PTPRD: variants seen among roughly 807,000 people sequenced by gnomAD.
The protein encoded by PTPRD is receptor-type tyrosine-protein phosphatase delta.
A neutral mutation model predicts 214.5 loss-of-function variants in PTPRD; 34 were observed. The ratio of observed to expected loss-of-function variants is 0.16; its 90% confidence interval spans 0.12 to 0.21. The LOEUF (loss-of-function observed/expected upper bound fraction) is 0.21. PTPRD is among the 10% of genes least tolerant of loss of function. The pLI is 1.00. For missense variants in PTPRD, 2,545 were observed against 2,398.7 expected (o/e 1.06, Z -1.27); for synonymous variants, 1,128 against 845.7 (o/e 1.33, Z -5.79).
intron 3 of PTPRD, among the ~76,000 whole-genome samples, chr9:10,232,409 C>T (rs778074088): frequency 9.9e-5 from 15 of 151,928 alleles, no homozygotes; most frequent in Non-Finnish European, 1.9e-4. Context: ...TTTCCCACTT[C>T]CCTTTGAGTT....
At chr9:9,389,156 A>C (rs1289133552) in intron 9 of PTPRD, among the ~76,000 whole-genome samples, 1 of 152,142 alleles carries the variant, frequency 6.6e-6, no homozygotes, top group Non-Finnish European at 1.5e-5. Flanking sequence ...AAACATGTAA[A>C]ATAGGGGTAA....
chr9:9,935,224 G>T (rs898217126), intron 5 of PTPRD, among the ~76,000 whole-genome samples: 10 of 151,918 alleles, frequency 6.6e-5, no homozygotes, highest in Non-Finnish European at 8.8e-5. Flanking sequence ...GTTCTGGCCA[G>T]GGCAATCAGG....
At chr9:8,373,906 CTATCTAT>C (rs879936928) in intron 39 of PTPRD, among the ~76,000 whole-genome samples, 1,193 of 93,430 alleles carry the variant, frequency 0.013, 8 homozygotes, top group African/African-American at 0.02. Context: ...ATCTATCTAT[CTATCTAT>C]CTACCTACCT....
intron 9 of PTPRD, among the ~76,000 whole-genome samples, chr9:9,388,556 T>C (rs975934842): frequency 3.9e-5 from 6 of 152,128 alleles, no homozygotes; most frequent in Non-Finnish European, 7.3e-5. Flanking sequence ...AGTCAGGTAC[T>C]GAAGAGAAAG....
intron 12 of PTPRD, among the ~76,000 whole-genome samples, chr9:8,721,917 G>A (rs1024091691): frequency 1.3e-5 from 2 of 152,168 alleles, no homozygotes; most frequent in African/African-American, 4.8e-5. Flanking sequence ...CCAACCTTCT[G>A]TTCCAAAGCT....
intron 2 of PTPRD, among the ~76,000 whole-genome samples, chr9:10,395,550 A>C (rs2098152176): frequency 6.6e-6 from 1 of 151,920 alleles, no homozygotes; most frequent in Non-Finnish European, 1.5e-5. Flanking sequence ...TAGGCAAAGC[A>C]ATGAGAAATA....
At chr9:9,922,541 C>A (rs1048684828) in intron 5 of PTPRD, among the ~76,000 whole-genome samples, 14 of 151,662 alleles carry the variant, frequency 9.2e-5, no homozygotes, top group African/African-American at 3.1e-4. Flanking sequence ...CCTACAGTAA[C>A]AACTAAAAAG....
At chr9:9,891,558 T>C (rs1398258503) in intron 5 of PTPRD, among the ~76,000 whole-genome samples, 1 of 152,122 alleles carries the variant, frequency 6.6e-6, no homozygotes, top group African/African-American at 2.4e-5. Flanking sequence ...TTTTTGACAG[T>C]ACTTTCAGAT....
chr9:9,604,946 G>GTGA (rs2094046993), intron 7 of PTPRD, among the ~76,000 whole-genome samples: 1 of 151,858 alleles, frequency 6.6e-6, no homozygotes, highest in African/African-American at 2.4e-5. Context: ...ACAGGAGGTG[G>GTGA]TCCCTGATAT....
chr9:8,586,302 A>G (rs1183880506), intron 14 of PTPRD, among the ~76,000 whole-genome samples: 1 of 152,184 alleles, frequency 6.6e-6, no homozygotes, highest in Non-Finnish European at 1.5e-5. Context: ...CTGTCTCAAA[A>G]AATAATAATA....
chr9:10,222,974 A>C (rs2099576294), intron 3 of PTPRD, among the ~76,000 whole-genome samples: 1 of 152,064 alleles, frequency 6.6e-6, no homozygotes, highest in South Asian at 2.1e-4. Flanking sequence ...GAGGTTCTAT[A>C]CCAAGCCAGA....
At chr9:9,331,663 C>T (rs2042357972) in intron 9 of PTPRD, among the ~76,000 whole-genome samples, 1 of 152,018 alleles carries the variant, frequency 6.6e-6, no homozygotes, top group Admixed American at 6.6e-5. Context: ...ATAACAACGG[C>T]TATCTAATAC....
intron 9 of PTPRD, among the ~76,000 whole-genome samples, chr9:9,306,989 A>C (rs1040160470): frequency 6.6e-6 from 1 of 152,192 alleles, no homozygotes; most frequent in Non-Finnish European, 1.5e-5. Context: ...TCAAAGAAAC[A>C]AAAAGTGCTG....
chr9:10,431,399 C>G (rs568374794), intron 2 of PTPRD, among the ~76,000 whole-genome samples: 71 of 152,032 alleles, frequency 4.7e-4, no homozygotes, highest in African/African-American at 1.6e-3. Context: ...TCTAAAACAC[C>G]AAAAGCAATG....
rs10958856 is a variant in PTPRD, at chr9:10,060,881, C to T, written c.-544-27091G>A. Among the ~76,000 whole-genome samples, 47 of 68,396 alleles carry T rather than the reference C, an allele frequency of 6.9e-4. 1 individual carries two copies. Among genetic ancestry groups the T allele is most frequent in the Admixed American group, 5.5e-3 (35 of 6,348 alleles). The allele number at this position is 68,396 out of a possible 152,430, so 44.9% of individuals were successfully genotyped here. On this transcript the variant is annotated intron_variant, in intron 3 of 45. Transcript: ENST00000381196. ...TCTTCCTTCCTTCTTTCCTTCCTTCCTTCCTTCCTTCCTTCCTTCTTTCTT... is the reference window on the plus strand; with the variant it reads ...TCTTCCTTCCTTCTTTCCTTCCTTCTTTCCTTCCTTCCTTCCTTCTTTCTT...
intron 10 of PTPRD, among the ~76,000 whole-genome samples, chr9:9,162,788 T>C (rs1056072648): frequency 2.6e-5 from 4 of 152,132 alleles, no homozygotes; most frequent in South Asian, 2.1e-4. Context: ...ATTATCTATA[T>C]TTTCTGTCCC....
chr9:9,287,212 A>T (rs1270087291), intron 9 of PTPRD, among the ~76,000 whole-genome samples: 1 of 151,450 alleles, frequency 6.6e-6, no homozygotes, highest in Non-Finnish European at 1.5e-5. Context: ...GCAACAGAAC[A>T]AGACTCTGTC....
At chr9:10,129,119 G>C (rs2098840294) in intron 3 of PTPRD, among the ~76,000 whole-genome samples, 1 of 152,124 alleles carries the variant, frequency 6.6e-6, no homozygotes, top group African/African-American at 2.4e-5. Context: ...AATTAAGAAA[G>C]AAAGCGATTG....
intron 5 of PTPRD, among the ~76,000 whole-genome samples, chr9:9,933,292 A>G (rs1323122617): frequency 2.0e-5 from 3 of 152,108 alleles, no homozygotes; most frequent in Non-Finnish European, 2.9e-5. Flanking sequence ...CAAATTGGAT[A>G]AAGAGTCAAG....
Sources: allele counts gnomAD v4.1 joint callset (sites outside exome capture counted in the v4.1 genomes callset), GRCh38; gene constraint gnomAD v4.1.1; transcripts MANE v1.5; gene names NCBI Gene and HGNC (gene_info 2026-07-23, HGNC 2026-07-21).